APBA2: variants seen among roughly 807,000 people sequenced by gnomAD.
APBA2 encodes the protein amyloid-beta A4 precursor protein-binding family A member 2.
Under a neutral mutation model 75.0 loss-of-function variants are expected in APBA2, and 30 were observed. The ratio of observed to expected loss-of-function variants is 0.40; its 90% confidence interval spans 0.30 to 0.54. APBA2 has a LOEUF of 0.54. Among genes scored for constraint, APBA2 ranks in the 20% least tolerant of loss-of-function variants. APBA2 has a pLI of 0.49. For missense variants in APBA2, 801 were observed against 1,016.1 expected (o/e 0.79, Z 2.88); for synonymous variants, 444 against 409.6 (o/e 1.08, Z -1.01).
rs368264466 is a variant in APBA2, at chr15:29,105,498, C to T, written c.1644C>T (p.Asn548=). 1.9e-6 allele frequency: 3 copies of T among 1,613,882 alleles called. No homozygotes were observed. Among genetic ancestry groups the T allele is most frequent in the African/African-American group, 2.7e-5 (2 of 74,950 alleles). ...AGAAGGAATACAGCGACATCATCAA[C>T]ACCCAGGAGATGTACAACGACGACC... ...LSQKEYSDII[N]TQEMYNDDLI... Residue 548 remains asparagine, a synonymous_variant, in exon 11 of 15, where the codon AAC becomes AAT. Coordinates refer to ENST00000683413, the MANE Select transcript of APBA2 (RefSeq NM_001353788.2).
intron 2 of APBA2, chr15:28,961,344 T>C (rs1475744583): frequency 6.6e-6 from 1 of 152,298 alleles, no homozygotes; most frequent in Non-Finnish European, 1.5e-5. Context: ...TCAGTGGGGA[T>C]TGGCTGCAGG....
At chr15:28,934,800 T>C (rs2034762869) in intron 2 of APBA2, among the ~76,000 whole-genome samples, 1 of 152,232 alleles carries the variant, frequency 6.6e-6, no homozygotes, top group Admixed American at 6.5e-5. Flanking sequence ...CCACATGGGC[T>C]GAGCGGATTT....
chr15:29,025,576 C>T (rs1474705579), intron 3 of APBA2, among the ~76,000 whole-genome samples: 1 of 152,076 alleles, frequency 6.6e-6, no homozygotes, highest in Non-Finnish European at 1.5e-5. Flanking sequence ...CTGGCCAAGA[C>T]TTGGGATTTT....
chr15:28,941,358 C>T (rs1000671191), intron 2 of APBA2, among the ~76,000 whole-genome samples: 1 of 152,166 alleles, frequency 6.6e-6, no homozygotes, highest in African/African-American at 2.4e-5. Flanking sequence ...GGATCTCATT[C>T]GACTTCCAGA....
intron 2 of APBA2, among the ~76,000 whole-genome samples, chr15:28,958,966 A>G (rs759236916): frequency 6.6e-6 from 1 of 152,082 alleles, no homozygotes; most frequent in Non-Finnish European, 1.5e-5. Flanking sequence ...TATTTCTTCT[A>G]TAGGGCTCTT....
At chr15:29,058,056 T>C (rs537440873) in intron 4 of APBA2, among the ~76,000 whole-genome samples, 27 of 152,224 alleles carry the variant, frequency 1.8e-4, no homozygotes, top group Admixed American at 1.0e-3. Context: ...ATTTTGGTTA[T>C]ATTATTTTCA....
At chr15:29,112,079 A>G (rs1344003372) in intron 13 of APBA2, among the ~76,000 whole-genome samples, 1 of 152,146 alleles carries the variant, frequency 6.6e-6, no homozygotes, top group African/African-American at 2.4e-5. Context: ...ATGCCCAGTG[A>G]AGCTCTCACC....
intron 10 of APBA2, among the ~76,000 whole-genome samples, chr15:29,102,943 C>T (rs2152965370): frequency 1.2e-5 from 1 of 82,686 alleles, no homozygotes; most frequent in East Asian, 4.0e-4. Context: ...TCATCTTCTT[C>T]CTAAGAACTT....
chr15:28,906,821 T>C (rs1416720948), intron 1 of APBA2, among the ~76,000 whole-genome samples: 6 of 152,332 alleles, frequency 3.9e-5, no homozygotes, highest in Admixed American at 2.6e-4. Context: ...CATCCTTGCC[T>C]CTTTTCCTCT....
At chr15:29,010,588 C>T (rs535058427) in intron 3 of APBA2, among the ~76,000 whole-genome samples, 1 of 152,242 alleles carries the variant, frequency 6.6e-6, no homozygotes, top group South Asian at 2.1e-4. Context: ...GTACCTGAGA[C>T]CTTTGCTAGA....
At chr15:29,064,500 C>G (rs924035667) in intron 4 of APBA2, among the ~76,000 whole-genome samples, 1 of 152,296 alleles carries the variant, frequency 6.6e-6, no homozygotes, top group African/African-American at 2.4e-5. Flanking sequence ...AGGCTCCAGA[C>G]GAGTTCCAGG....
intron 3 of APBA2, among the ~76,000 whole-genome samples, chr15:29,018,017 A>G (rs1228373213): frequency 6.6e-6 from 1 of 152,066 alleles, no homozygotes; most frequent in Non-Finnish European, 1.5e-5. Flanking sequence ...TCGCATTGAG[A>G]AGTGAAGCAC....
At chr15:29,010,966 AT>A (rs2152814926) in intron 3 of APBA2, among the ~76,000 whole-genome samples, 1 of 152,290 alleles carries the variant, frequency 6.6e-6, no homozygotes, top group South Asian at 2.1e-4. Context: ...GAACTTTTTC[AT>A]CTTGCGAATC....
At chr15:29,112,684 A>C (rs1366431819) in intron 13 of APBA2, among the ~76,000 whole-genome samples, 1 of 152,202 alleles carries the variant, frequency 6.6e-6, no homozygotes, top group African/African-American at 2.4e-5. Flanking sequence ...TCATTTAAAA[A>C]ATAACTGTGG....
In APBA2 at chr15:28,964,739, C is replaced by T. The variant is rs1266716642; in HGVS notation, c.-94-31014C>T. ...CTGACCTCAGGTGATCAGCCCACCT[C>T]GGCCTCCGAAAGTGCTGGGATTACA... On this transcript the variant is annotated intron_variant, in intron 2 of 14. Coordinates refer to ENST00000683413, the MANE Select transcript of APBA2 (RefSeq NM_001353788.2). Among the ~76,000 whole-genome samples the T allele has an allele frequency of 3.3e-5, 5 of 152,136 alleles. 1 individual carries two copies. The highest frequency in any genetic ancestry group is 2.1e-4 in the South Asian group (1 of 4,804).
chr15:28,952,911 C>G (rs770914500), intron 2 of APBA2, among the ~76,000 whole-genome samples: 6 of 152,206 alleles, frequency 3.9e-5, no homozygotes, highest in Non-Finnish European at 5.9e-5. Flanking sequence ...TTTCAAGCAG[C>G]TAATGGAGAT....
At chr15:28,977,429 T>C (rs1219885818) in intron 2 of APBA2, 3 of 152,074 alleles carry the variant, frequency 2.0e-5, no homozygotes, top group African/African-American at 7.2e-5. Flanking sequence ...ACCCCCAAGA[T>C]TTTCCTAAGT....
At chr15:29,066,045 C>G (rs1001544871) in intron 4 of APBA2, among the ~76,000 whole-genome samples, 4 of 152,214 alleles carry the variant, frequency 2.6e-5, no homozygotes, top group African/African-American at 4.8e-5. Flanking sequence ...TCATTAGCCC[C>G]TGTCCTTCGG....
At chr15:29,038,302 T>C (rs1460049816) in intron 3 of APBA2, among the ~76,000 whole-genome samples, 3 of 152,212 alleles carry the variant, frequency 2.0e-5, no homozygotes, top group Non-Finnish European at 1.5e-5. Flanking sequence ...CTTTTCTGGC[T>C]CCAAGTGACC....
Sources: gnomAD v4.1 joint callset for allele counts (sites outside exome capture counted in the v4.1 genomes callset) on GRCh38, gnomAD v4.1.1 for gene constraint, MANE v1.5 for transcripts, NCBI Gene and HGNC (gene_info 2026-07-23, HGNC 2026-07-21) for gene names.